The following KCNIP4 variants were observed in gnomAD, a reference collection of about 807,000 sequenced individuals.
KCNIP4 encodes Kv channel-interacting protein 4.
KCNIP4 carries 12 observed loss-of-function variants against 34.0 expected under a neutral mutation model. That is an observed-to-expected ratio of 0.35 (90% CI 0.23 to 0.57). KCNIP4 has a LOEUF of 0.57. KCNIP4 is among the 20% of genes least tolerant of loss of function. The pLI, the probability that KCNIP4 is intolerant of heterozygous loss-of-function variation, is 0.83. For missense variants in KCNIP4, 238 were observed against 311.7 expected, an observed-to-expected ratio of 0.76 and a Z score of 1.78; for synonymous variants, 124 against 102.2, an observed-to-expected ratio of 1.21 and a Z score of -1.29.
At chr4:21,461,012 C>T (rs191590588) in intron 1 of KCNIP4, among the ~76,000 whole-genome samples, 68 of 152,118 alleles carry the variant, frequency 4.5e-4, no homozygotes, top group African/African-American at 1.6e-3. Flanking sequence ...GACAATGCTG[C>T]CAAGAATAGT....
chr4:20,756,258 G>A (rs1008186856), intron 4 of KCNIP4, among the ~76,000 whole-genome samples: 1 of 151,918 alleles, frequency 6.6e-6, no homozygotes, highest in African/African-American at 2.4e-5. Context: ...CCTATATTGA[G>A]TAGATGTCAA....
At chr4:21,659,064 G>C (rs1261996656) in intron 1 of KCNIP4, among the ~76,000 whole-genome samples, 1 of 152,150 alleles carries the variant, frequency 6.6e-6, no homozygotes, top group Non-Finnish European at 1.5e-5. Flanking sequence ...TTGATTATTA[G>C]ATCAGCCACC....
intron 3 of KCNIP4, among the ~76,000 whole-genome samples, chr4:20,780,552 T>C (rs1756783778): frequency 6.6e-6 from 1 of 152,186 alleles, no homozygotes; most frequent in Admixed American, 6.5e-5. Flanking sequence ...ATTTTCTTAC[T>C]TCAGGAACTG....
intron 1 of KCNIP4, among the ~76,000 whole-genome samples, chr4:21,269,146 C>A (rs923025829): frequency 1.3e-5 from 2 of 152,084 alleles, no homozygotes; most frequent in African/African-American, 4.8e-5. Context: ...GAAAGAAGGA[C>A]TGGAAAGCTA....
At chr4:21,374,176 A>G (rs933661788) in intron 1 of KCNIP4, among the ~76,000 whole-genome samples, 1 of 147,258 alleles carries the variant, frequency 6.8e-6, no homozygotes, top group Non-Finnish European at 1.5e-5. Context: ...ACTAACCACA[A>G]TAGGTGAGTG....
chr4:21,944,659 G>A (rs962762147), intron 1 of KCNIP4, among the ~76,000 whole-genome samples: 13 of 151,710 alleles, frequency 8.6e-5, no homozygotes, highest in Admixed American at 5.9e-4. Context: ...ATCTGTTGTT[G>A]AGCAAATATT....
At chr4:21,502,820 C>A (rs1328871021) in intron 1 of KCNIP4, among the ~76,000 whole-genome samples, 2 of 152,180 alleles carry the variant, frequency 1.3e-5, no homozygotes, top group African/African-American at 4.8e-5. Context: ...TAACCCTTAG[C>A]ATGCTCTAAG....
chr4:20,865,683 T>A (rs1309918613), intron 2 of KCNIP4, among the ~76,000 whole-genome samples: 2 of 151,964 alleles, frequency 1.3e-5, no homozygotes, highest in African/African-American at 4.8e-5. Flanking sequence ...AGATAGAGAA[T>A]AAAACAATGG....
At chr4:21,441,380 T>A (rs2109705998) in intron 1 of KCNIP4, among the ~76,000 whole-genome samples, 1 of 152,148 alleles carries the variant, frequency 6.6e-6, no homozygotes, top group South Asian at 2.1e-4. Context: ...CCTGACCTCG[T>A]GATCCGCCCG....
intron 1 of KCNIP4, among the ~76,000 whole-genome samples, chr4:21,600,374 T>A (rs1416875694): frequency 6.6e-6 from 1 of 152,118 alleles, no homozygotes. Flanking sequence ...TTTTAATTGA[T>A]GCATAATAGA....
intron 3 of KCNIP4, among the ~76,000 whole-genome samples, chr4:20,779,926 T>C (rs1247244839): frequency 6.6e-6 from 1 of 152,192 alleles, no homozygotes; most frequent in East Asian, 1.9e-4. Flanking sequence ...CTCAGTGATA[T>C]TAATTTCAGA....
chr4:21,480,765 A>T (rs1225886811), intron 1 of KCNIP4, among the ~76,000 whole-genome samples: 1 of 151,790 alleles, frequency 6.6e-6, no homozygotes, highest in Non-Finnish European at 1.5e-5. Context: ...ATAAATGGAG[A>T]ACATAAAAGA....
intron 1 of KCNIP4, among the ~76,000 whole-genome samples, chr4:21,869,709 G>C (rs564788989): frequency 6.6e-6 from 1 of 150,414 alleles, no homozygotes; most frequent in Admixed American, 6.6e-5. Context: ...CCCCCCCACC[G>C]CCACATAGAG....
intron 1 of KCNIP4, among the ~76,000 whole-genome samples, chr4:21,582,972 C>T (rs1741348187): frequency 1.3e-5 from 2 of 152,012 alleles, no homozygotes; most frequent in South Asian, 4.2e-4. Flanking sequence ...GCCTTTCTCA[C>T]ACTAGCAATG....
At chr4:20,884,113 T>A (rs1193885368) in intron 1 of KCNIP4, among the ~76,000 whole-genome samples, 1 of 152,244 alleles carries the variant, frequency 6.6e-6, no homozygotes, top group Admixed American at 6.5e-5. Flanking sequence ...GTCTGGCATG[T>A]AACAGAAGGT....
intron 1 of KCNIP4, among the ~76,000 whole-genome samples, chr4:21,937,735 C>T (rs1431628226): frequency 6.6e-6 from 1 of 152,100 alleles, no homozygotes; most frequent in Non-Finnish European, 1.5e-5. Flanking sequence ...TGGCCAGAAA[C>T]TGAGAGTTGC....
intron 2 of KCNIP4, among the ~76,000 whole-genome samples, chr4:20,859,643 A>G (rs140374427): frequency 6.6e-6 from 1 of 152,214 alleles, no homozygotes; most frequent in African/African-American, 2.4e-5. Context: ...GAACAACAGA[A>G]TGCGTTTTAA....
At chr4:21,621,188 A>G (rs1302614674) in intron 1 of KCNIP4, among the ~76,000 whole-genome samples, 1 of 152,204 alleles carries the variant, frequency 6.6e-6, no homozygotes, top group Non-Finnish European at 1.5e-5. Flanking sequence ...ATTTAATTTA[A>G]AAAGGCAAAA....
intron 1 of KCNIP4, among the ~76,000 whole-genome samples, chr4:21,026,263 C>T (rs1261138283): frequency 6.6e-6 from 1 of 152,190 alleles, no homozygotes; most frequent in Non-Finnish European, 1.5e-5. Context: ...GCCTGTACAT[C>T]TCCAGCAGCT....
Sources: allele counts gnomAD v4.1 joint callset (sites outside exome capture counted in the v4.1 genomes callset), GRCh38; gene constraint gnomAD v4.1.1; transcripts MANE v1.5; gene names NCBI Gene and HGNC (gene_info 2026-07-23, HGNC 2026-07-21).